Variants in SYNE2 observed in about 807,000 individuals in gnomAD.
SYNE2 encodes nesprin-2.
A neutral mutation model predicts 856.3 loss-of-function variants in SYNE2; 431 were observed. That is an observed-to-expected ratio of 0.50 (90% CI 0.47 to 0.55). The LOEUF (loss-of-function observed/expected upper bound fraction) is 0.55, where lower values mean the gene tolerates loss of function less well. SYNE2 is among the 20% of genes least tolerant of loss of function. The pLI is 0.00. For missense variants in SYNE2, 8,129 were observed against 8,023.2 expected, an observed-to-expected ratio of 1.01 and a Z score of -0.50; for synonymous variants, 2,923 against 2,872.3, an observed-to-expected ratio of 1.02 and a Z score of -0.56.
intron 65 of SYNE2, 115 bp from the exon 66 acceptor site, chr14:64,113,223 CCTT>C (rs1237237748): frequency 6.4e-7 from 1 of 1,562,888 alleles, no homozygotes; most frequent in Non-Finnish European, 8.6e-7. Context: ...TTTCTTTCTT[CCTT>C]CTTCTGTCCT....
chr14:64,048,046 C>A lies in SYNE2; in HGVS notation c.7268C>A (p.Ala2423Asp), dbSNP rs936611771. 12 of 1,613,598 alleles carry A rather than the reference C, an allele frequency of 7.4e-6. No individual in the cohort carries two copies. In the African/African-American group the frequency reaches 1.6e-4, roughly 22 times the overall value. ...ATGTCAAAACAACTTTCTCTTAATG[C>A]TCAAGAAAGCATGAAAAACACTGAA... ...MAMSKQLSLNAQESMKNTEDE... is the reference protein window; with the variant it reads ...MAMSKQLSLNDQESMKNTEDE... Residue 2423 changes from alanine (A) to aspartate (D), a missense_variant, in exon 46 of 116, where the codon GCT becomes GAT. Transcript: ENST00000555002.
chr14:64,179,010 G>A (rs969943820), intron 96 of SYNE2, among the ~76,000 whole-genome samples: 3 of 152,096 alleles, frequency 2.0e-5, no homozygotes, highest in African/African-American at 7.2e-5. Context: ...CCAGTAGGTC[G>A]AGGATACAGT....
rs147189782 is a variant in SYNE2 at position 64,033,043 on chromosome 14, C to A, written c.7221+1686C>A. Among the ~76,000 whole-genome samples, 219 of 152,196 alleles carry A rather than the reference C, an allele frequency of 1.4e-3. 1 individual carries two copies. The highest frequency in any genetic ancestry group is 6.8e-3 in the Middle Eastern group (2 of 294). On this transcript the variant is annotated intron_variant, in intron 45 of 115. Coordinates refer to ENST00000555002, the MANE Select transcript of SYNE2 (RefSeq NM_182914.3). ...ATTAGCTGGGCATGGTGGCTTGTGC[C>A]TGTGTTCCCAACTATTTGGGAGGCT...
chr14:64,123,914 C>T (rs902378917), intron 70 of SYNE2, among the ~76,000 whole-genome samples: 1 of 144,948 alleles, frequency 6.9e-6, no homozygotes, highest in African/African-American at 2.6e-5. Context: ...TTTTAAGAGA[C>T]AGGGTCTCAG....
intron 96 of SYNE2, among the ~76,000 whole-genome samples, chr14:64,184,389 G>C (rs1422219034): frequency 2.0e-5 from 3 of 151,626 alleles, no homozygotes; most frequent in Non-Finnish European, 4.4e-5. Context: ...GTGAGTGTTA[G>C]AGGGGAAAAG....
chr14:63,836,387 AAGT>A (rs1267184454), intron 1 of SYNE2, among the ~76,000 whole-genome samples: 3 of 152,194 alleles, frequency 2.0e-5, no homozygotes, highest in African/African-American at 7.2e-5. Flanking sequence ...AAATATAGAA[AAGT>A]GCAGACAACA....
chr14:64,096,235 T>C (rs1481605839), intron 61 of SYNE2, among the ~76,000 whole-genome samples: 1 of 152,004 alleles, frequency 6.6e-6, no homozygotes, highest in Non-Finnish European at 1.5e-5. Flanking sequence ...GAAAATGGAA[T>C]TTTTTTTACT....
intron 1 of SYNE2, among the ~76,000 whole-genome samples, chr14:63,832,051 T>G (rs916003459): frequency 6.6e-6 from 1 of 152,156 alleles, no homozygotes; most frequent in Non-Finnish European, 1.5e-5. Flanking sequence ...AGTCTATTAG[T>G]GGCAAAGAGG....
chr14:63,877,881 T>TA (rs934735646), intron 1 of SYNE2, among the ~76,000 whole-genome samples: 1 of 151,952 alleles, frequency 6.6e-6, no homozygotes, highest in Non-Finnish European at 1.5e-5. Context: ...TACACTTTTT[T>TA]TTTTTTAAGT....
chr14:63,976,459 T>C (rs1278259206), intron 11 of SYNE2, 104 bp from the exon 12 acceptor site: 2 of 1,224,068 alleles, frequency 1.6e-6, no homozygotes, highest in African/African-American at 3.1e-5. Flanking sequence ...TTATCAGACT[T>C]GGCTTCCAGA....
rs1445160024 is a variant in SYNE2 at position 63,967,706 on chromosome 14, C to T, written c.991-3C>T. On this transcript the variant is annotated splice_polypyrimidine_tract_variant and splice_region_variant and intron_variant, in intron 10 of 115. Coordinates refer to ENST00000555002, the MANE Select transcript of SYNE2 (RefSeq NM_182914.3). The stretch of plus-strand genomic sequence containing the variant: ...AATCTTTAAAATACTCTTCTAATTG[C>T]AGAGCCTGCTGTCCTTTATGGAGTC... 7 of 1,613,650 alleles carry T rather than the reference C, an allele frequency of 4.3e-6. No homozygotes were observed. The Admixed American group carries it at 1.0e-4, about 23-fold the overall frequency.
rs1241844657 is a variant in SYNE2 at position 64,089,593 on chromosome 14, C to A, written c.11690C>A (p.Ser3897Tyr). 1.9e-6 allele frequency: 3 copies of A among 1,609,710 alleles called. No homozygotes were observed. Among genetic ancestry groups the A allele is most frequent in the Admixed American group, 3.3e-5 (2 of 59,876 alleles). The change falls in exon 59 of 116, where the codon TCT (serine) becomes TAT (tyrosine). Residue 3897 changes from serine to tyrosine, a missense_variant. Physicochemically the swap from Ser to Tyr is moderately radical, Grantham distance 144 (BLOSUM62 -2). Around this residue, in one of 3 missense-constraint regions of SYNE2, gnomAD observed 5,410 missense variants for 5,284.8 expected, o/e 1.02. Coordinates refer to ENST00000555002, the MANE Select transcript of SYNE2 (RefSeq NM_182914.3). ...TTCTAGGATGTGGTTGCTATTGAAT[C>A]TGAAGTAAAATCAATGGAAAAAAGA... ...RMADDVVAIE[S>Y]EVKSMEKRVS... is the part of the protein sequence containing the mutation.
Position 64,226,050 on chromosome 14 carries a change from G to C in SYNE2, c.*524G>C, listed in dbSNP as rs1343889328. ...TGAGCTGCCGGTTATACACCAAAAT[G>C]TTCTGTTCAGTACCTAGCTCTGCTC... On this transcript the variant is annotated 3_prime_UTR_variant, in exon 116 of 116. Coordinates refer to ENST00000555002, the MANE Select transcript of SYNE2 (RefSeq NM_182914.3). 3 of 202,106 alleles carry C rather than the reference G, an allele frequency of 1.5e-5. No individual in the cohort carries two copies. Among genetic ancestry groups the C allele is most frequent in the Non-Finnish European group, 3.1e-5 (3 of 97,920 alleles). 12.5% of individuals were successfully genotyped at this position (202,106 alleles called of 1,614,324 possible).
chr14:64,205,908 TG>T (rs1451011125), intron 100 of SYNE2, among the ~76,000 whole-genome samples: 3 of 152,146 alleles, frequency 2.0e-5, no homozygotes, highest in African/African-American at 7.2e-5. Flanking sequence ...GCCCCTGCCG[TG>T]GGCCAGTTGA....
At chr14:64,155,256 T>G (rs1249095879) in intron 85 of SYNE2, among the ~76,000 whole-genome samples, 2 of 151,606 alleles carry the variant, frequency 1.3e-5, no homozygotes, top group African/African-American at 2.4e-5. Flanking sequence ...AAACGTGGTC[T>G]ATCCATACAA....
chr14:63,793,497 C>T (rs573389592), intron 1 of SYNE2, among the ~76,000 whole-genome samples: 1 of 152,142 alleles, frequency 6.6e-6, no homozygotes, highest in East Asian at 1.9e-4. Context: ...TCTTGAAAGT[C>T]GAGTTAGCTC....
chr14:64,095,439 C>T (rs1447838296), intron 61 of SYNE2, among the ~76,000 whole-genome samples: 3 of 152,178 alleles, frequency 2.0e-5, no homozygotes, highest in African/African-American at 7.2e-5. Context: ...TAACATCACG[C>T]TCGATCACTT....
At chr14:63,859,182 T>C (rs917180858) in intron 1 of SYNE2, among the ~76,000 whole-genome samples, 1 of 152,324 alleles carries the variant, frequency 6.6e-6, no homozygotes, top group Admixed American at 6.5e-5. Context: ...ATCCTCTCAA[T>C]AGAGAATTAT....
chr14:63,845,633 T>G (rs1890202419), intron 1 of SYNE2, among the ~76,000 whole-genome samples: 1 of 152,078 alleles, frequency 6.6e-6, no homozygotes, highest in Non-Finnish European at 1.5e-5. Flanking sequence ...TGCTTTATCT[T>G]TATTTTACTT....
Sources: allele counts gnomAD v4.1 joint callset (sites outside exome capture counted in the v4.1 genomes callset), GRCh38; gene constraint gnomAD v4.1.1; regional missense constraint gnomAD v4.1.1; transcripts MANE v1.5; gene names NCBI Gene and HGNC (gene_info 2026-07-23, HGNC 2026-07-21).